Variants in MAGI1 observed in about 807,000 individuals in gnomAD.
MAGI1 encodes the protein membrane associated guanylate kinase, WW and PDZ domain containing 1, also known as membrane-associated guanylate kinase, WW and PDZ domain-containing protein 1.
Under a neutral mutation model 139.9 loss-of-function variants are expected in MAGI1, and 58 were observed. The observed-to-expected ratio is 0.41, with a 90% CI of 0.34 to 0.52. The LOEUF is 0.52. Ranked by LOEUF, MAGI1 falls within the 20% of genes least tolerant of loss-of-function variation. MAGI1 has a pLI of 0.12. For synonymous variants in MAGI1, 812 were observed against 737.9 expected (o/e 1.10, Z -1.63); for missense variants, 1,874 against 1,901.6 (o/e 0.99, Z 0.27).
intron 1 of MAGI1, among the ~76,000 whole-genome samples, chr3:65,836,387 T>A (rs918050279): frequency 6.6e-6 from 1 of 152,132 alleles, no homozygotes; most frequent in African/African-American, 2.4e-5. Flanking sequence ...TCTTAAAGAA[T>A]CTCTAAAGTA....
intron 2 of MAGI1, among the ~76,000 whole-genome samples, chr3:65,554,312 C>T: frequency 6.6e-6 from 1 of 152,084 alleles, no homozygotes; most frequent in Non-Finnish European, 1.5e-5. Context: ...TTCTATATCC[C>T]TAGACTAGAG....
intron 1 of MAGI1, among the ~76,000 whole-genome samples, chr3:65,726,766 G>T (rs1025128915): frequency 6.6e-6 from 1 of 151,960 alleles, no homozygotes; most frequent in African/African-American, 2.4e-5. Flanking sequence ...GGCACCTAGG[G>T]ACCTCAGAAT....
At chr3:65,899,258 A>G (rs891722525) in intron 1 of MAGI1, among the ~76,000 whole-genome samples, 1 of 152,242 alleles carries the variant, frequency 6.6e-6, no homozygotes, top group Non-Finnish European at 1.5e-5. Flanking sequence ...GATATCTTTC[A>G]AAACAGAAAA....
chr3:65,450,285 G>T (rs531031042), intron 6 of MAGI1, among the ~76,000 whole-genome samples: 2 of 152,250 alleles, frequency 1.3e-5, no homozygotes, highest in South Asian at 2.1e-4. Flanking sequence ...CATTTTAAAA[G>T]ATTTCTCCGA....
At chr3:65,807,331 C>T (rs551113853) in intron 1 of MAGI1, among the ~76,000 whole-genome samples, 1 of 152,246 alleles carries the variant, frequency 6.6e-6, no homozygotes, top group Admixed American at 6.5e-5. Flanking sequence ...TCTTACTGTA[C>T]ATTGACATAT....
At chr3:65,661,872 C>T (rs935221849) in intron 1 of MAGI1, among the ~76,000 whole-genome samples, 2 of 151,092 alleles carry the variant, frequency 1.3e-5, no homozygotes, top group African/African-American at 2.4e-5. Context: ...CTCAGCCTCC[C>T]GAGTAGCTGG....
intron 1 of MAGI1, among the ~76,000 whole-genome samples, chr3:65,921,906 C>T (rs2062217528): frequency 7.0e-6 from 1 of 142,254 alleles, no homozygotes; most frequent in Admixed American, 7.3e-5. Context: ...ACCCTATCTC[C>T]AACCACACAC....
chr3:65,934,461 A>G (rs934563909), intron 1 of MAGI1, among the ~76,000 whole-genome samples: 1 of 152,208 alleles, frequency 6.6e-6, no homozygotes, highest in Non-Finnish European at 1.5e-5. Context: ...TGTTCTTTAC[A>G]AATAAAGGCT....
intron 1 of MAGI1, among the ~76,000 whole-genome samples, chr3:65,847,964 G>C (rs1381251052): frequency 6.6e-6 from 1 of 152,160 alleles, no homozygotes; most frequent in South Asian, 2.1e-4. Flanking sequence ...GAGTCCAGGA[G>C]TTTGAGTCCA....
At chr3:65,851,690 A>T (rs921690594) in intron 1 of MAGI1, among the ~76,000 whole-genome samples, 1 of 152,164 alleles carries the variant, frequency 6.6e-6, no homozygotes, top group Non-Finnish European at 1.5e-5. Flanking sequence ...TAGAGGCTGC[A>T]GTGAGCCGAG....
intron 1 of MAGI1, among the ~76,000 whole-genome samples, chr3:65,711,247 A>G (rs193277060): frequency 6.6e-6 from 1 of 152,304 alleles, no homozygotes; most frequent in Admixed American, 6.5e-5. Flanking sequence ...GTAAGAAACA[A>G]TTACTATGAA....
chr3:65,977,779 C>T (rs1167290428), intron 1 of MAGI1, among the ~76,000 whole-genome samples: 2 of 152,074 alleles, frequency 1.3e-5, no homozygotes, highest in Admixed American at 6.6e-5. Flanking sequence ...TACAGGCCTC[C>T]ATCTCCTGTT....
At chr3:65,998,646 A>G (rs924239466) in intron 1 of MAGI1, among the ~76,000 whole-genome samples, 1 of 152,178 alleles carries the variant, frequency 6.6e-6, no homozygotes, top group African/African-American at 2.4e-5. Flanking sequence ...ATGATCACTT[A>G]TCCCATTTGT....
At chr3:65,909,761 G>T (rs1331222874) in intron 1 of MAGI1, among the ~76,000 whole-genome samples, 1 of 152,136 alleles carries the variant, frequency 6.6e-6, no homozygotes. Flanking sequence ...TTATTTCAGG[G>T]ATGTGGGGAT....
chr3:65,773,889 A>G (rs561830963), intron 1 of MAGI1, among the ~76,000 whole-genome samples: 1 of 152,212 alleles, frequency 6.6e-6, no homozygotes, highest in Non-Finnish European at 1.5e-5. Context: ...TTTCCTTTTA[A>G]TACAAGTTAC....
At chr3:65,367,092 A>G (rs531368769) in intron 18 of MAGI1, among the ~76,000 whole-genome samples, 1 of 152,336 alleles carries the variant, frequency 6.6e-6, no homozygotes, top group South Asian at 2.1e-4. Context: ...CATATTGCTC[A>G]TTGCAATTAA....
chr3:65,586,974 G>A (rs150528524), intron 2 of MAGI1, among the ~76,000 whole-genome samples: 1 of 152,238 alleles, frequency 6.6e-6, no homozygotes, highest in East Asian at 1.9e-4. Flanking sequence ...CCAAAGGCTT[G>A]CTGCTTTCCC....
At chr3:65,536,254 C>T (rs2078954542) in intron 2 of MAGI1, among the ~76,000 whole-genome samples, 3 of 152,154 alleles carry the variant, frequency 2.0e-5, no homozygotes, top group Non-Finnish European at 4.4e-5. Flanking sequence ...CCTAGATTCA[C>T]CTTTGTATAA....
intron 1 of MAGI1, among the ~76,000 whole-genome samples, chr3:65,843,264 G>A (rs1418662675): frequency 6.6e-6 from 1 of 152,140 alleles, no homozygotes; most frequent in East Asian, 1.9e-4. Flanking sequence ...GCCCTGTCAA[G>A]AGGTCCACGG....
Sources: gnomAD v4.1 joint callset for allele counts (sites outside exome capture counted in the v4.1 genomes callset) on GRCh38, gnomAD v4.1.1 for gene constraint, MANE v1.5 for transcripts, NCBI Gene and HGNC (gene_info 2026-07-23, HGNC 2026-07-21) for gene names.